COMMD10: variants seen among roughly 807,000 people sequenced by gnomAD.
COMMD10 encodes COMM domain containing 10.
A neutral mutation model predicts 28.9 loss-of-function variants in COMMD10; 33 were observed. That is an observed-to-expected ratio of 1.14 (90% CI 0.87 to 1.53). The LOEUF (loss-of-function observed/expected upper bound fraction) is 1.53, where lower values mean the gene tolerates loss of function less well. COMMD10 is among the 40% of genes most tolerant of loss of function. COMMD10 has a pLI of 0.00. For missense variants in COMMD10, 310 were observed against 233.4 expected (o/e 1.33, Z -2.14); for synonymous variants, 110 against 81.7 (o/e 1.35, Z -1.87).
Position 116,275,365 on chromosome 5 carries a change from T to A in COMMD10, c.511-16152T>A, listed in dbSNP as rs1282253976. On this transcript the variant is annotated intron_variant, in intron 5 of 6. Coordinates refer to ENST00000274458, the MANE Select transcript of COMMD10 (RefSeq NM_016144.4). ...ATCCCCCATCCTGCTTTATTCCCAATAATTTATCTTTCAGGTATCAGATTA... is the reference window on the plus strand; with the variant it reads ...ATCCCCCATCCTGCTTTATTCCCAAAAATTTATCTTTCAGGTATCAGATTA... Among the ~76,000 whole-genome samples, 4 of 151,896 alleles carry A rather than the reference T, an allele frequency of 2.6e-5. No individual in the cohort carries two copies. The East Asian group carries it at 7.7e-4, about 29-fold the overall frequency.
intron 4 of COMMD10, among the ~76,000 whole-genome samples, chr5:116,103,045 AT>A (rs1218315287): frequency 6.6e-6 from 1 of 150,450 alleles, no homozygotes; most frequent in Non-Finnish European, 1.5e-5. Context: ...TATGTGCCAC[AT>A]TTTTTTTTAA....
At chr5:116,274,186 A>G (rs1229475712) in intron 5 of COMMD10, among the ~76,000 whole-genome samples, 1 of 151,870 alleles carries the variant, frequency 6.6e-6, no homozygotes, top group Non-Finnish European at 1.5e-5. Context: ...TTATATATCA[A>G]CAACAGGTCT....
In COMMD10 at chr5:116,225,354, A is replaced by ATTTTT. The variant is rs3073081; in HGVS notation, c.511-66150_511-66146dup. Reference sequence around the variant, plus strand: ...GACTTTCCTGTTTGTTTTTTTGGGGATTTTTTTTTTTTTTTTTGCATATGT... The same window carrying ATTTTT: ...GACTTTCCTGTTTGTTTTTTTGGGGATTTTTTTTTTTTTTTTTTTTTTGCATATGT... On this transcript the variant is annotated intron_variant, in intron 5 of 6. Transcript: ENST00000274458. Among the ~76,000 whole-genome samples, 153 of 132,398 alleles carry ATTTTT rather than the reference A, an allele frequency of 1.2e-3. 3 individuals are homozygous for ATTTTT. The highest frequency in any genetic ancestry group is 4.2e-3 in the Middle Eastern group (1 of 238). 86.9% of individuals were successfully genotyped at this position (132,398 alleles called of 152,430 possible). A position where few individuals can be genotyped will look rare whatever the true frequency, so the allele number is the denominator to read the frequency against.
intron 5 of COMMD10, among the ~76,000 whole-genome samples, chr5:116,154,816 C>A (rs578075330): frequency 2.0e-5 from 3 of 151,046 alleles, no homozygotes; most frequent in Non-Finnish European, 2.9e-5. Context: ...ACAGTGGGAC[C>A]TCGTTTAGGG....
At chr5:116,156,291 A>G (rs896766884) in intron 5 of COMMD10, among the ~76,000 whole-genome samples, 1 of 152,194 alleles carries the variant, frequency 6.6e-6, no homozygotes, top group African/African-American at 2.4e-5. Flanking sequence ...GGAAGTTGCT[A>G]GAGGATGTCA....
chr5:116,221,249 C>G (rs1422393206), intron 5 of COMMD10, among the ~76,000 whole-genome samples: 1 of 152,150 alleles, frequency 6.6e-6, no homozygotes, highest in Middle Eastern at 3.4e-3. Context: ...TCCAACCAAT[C>G]AATGACCCCA....
intron 5 of COMMD10, among the ~76,000 whole-genome samples, chr5:116,163,786 G>T (rs1416275769): frequency 4.6e-5 from 7 of 152,040 alleles, no homozygotes; most frequent in African/African-American, 1.7e-4. Context: ...TACTTTCTAT[G>T]CTTTTGAGTA....
rs138603891 is a variant in COMMD10, at chr5:116,265,906, C to T, written c.511-25611C>T. On this transcript the variant is annotated intron_variant, in intron 5 of 6. Transcript: ENST00000274458. ...CAAGATCCTACCCTTAAGAACCTTT[C>T]ATCCTACTAGAAAAGTGGTAATACA... Among the ~76,000 whole-genome samples the T allele has an allele frequency of 6.7e-3, 1,010 of 151,878 alleles. 25 individuals carry two copies. Among genetic ancestry groups the T allele is most frequent in the African/African-American group, 0.023 (949 of 41,244 alleles).
At chr5:116,187,280 A>T (rs1748170744) in intron 5 of COMMD10, among the ~76,000 whole-genome samples, 1 of 152,144 alleles carries the variant, frequency 6.6e-6, no homozygotes, top group Admixed American at 6.6e-5. Flanking sequence ...TTTAGCTAAA[A>T]TGTGTGATAA....
chr5:116,277,204 T>C (rs184492993), intron 5 of COMMD10, among the ~76,000 whole-genome samples: 1 of 151,968 alleles, frequency 6.6e-6, no homozygotes, highest in Admixed American at 6.6e-5. Flanking sequence ...ACAATAGACA[T>C]ATTTCAAACA....
intron 5 of COMMD10, among the ~76,000 whole-genome samples, chr5:116,159,759 C>G (rs1201785801): frequency 1.3e-5 from 2 of 152,086 alleles, no homozygotes; most frequent in Admixed American, 6.6e-5. Context: ...AGGAAAACAT[C>G]TTTGAATTAG....
At chr5:116,123,394 C>A (rs112427146) in intron 4 of COMMD10, among the ~76,000 whole-genome samples, 3 of 152,142 alleles carry the variant, frequency 2.0e-5, no homozygotes, top group Admixed American at 2.0e-4. Context: ...TATGTTGAAC[C>A]AGCCTTGTAT....
chr5:116,167,635 C>A (rs1040843632), intron 5 of COMMD10, among the ~76,000 whole-genome samples: 2 of 152,130 alleles, frequency 1.3e-5, no homozygotes, highest in Non-Finnish European at 2.9e-5. Context: ...GCGGATCTCT[C>A]GGCAGAAACC....
At chr5:116,127,850 C>T (rs1316756536) in intron 4 of COMMD10, among the ~76,000 whole-genome samples, 3 of 151,944 alleles carry the variant, frequency 2.0e-5, no homozygotes, top group African/African-American at 7.3e-5. Flanking sequence ...GGGTGCAGCA[C>T]ACCAACATGG....
At chr5:116,131,750 C>G (rs1224105093) in intron 4 of COMMD10, among the ~76,000 whole-genome samples, 1 of 151,744 alleles carries the variant, frequency 6.6e-6, no homozygotes, top group Non-Finnish European at 1.5e-5. Context: ...ATACACTGAT[C>G]TAAATGTTAA....
At position 116,260,095 on chromosome 5, in the gene COMMD10, A is replaced by C. The variant is rs547509677; in HGVS notation, c.511-31422A>C. 1.6e-3 allele frequency among the ~76,000 whole-genome samples: 240 copies of C among 151,816 alleles called. 4 individuals are homozygous for C. The highest frequency in any genetic ancestry group is 5.6e-3 in the African/African-American group (231 of 41,210). ...ATATTTTATATGGAATTTGAGGGGA[A>C]AGGAAAGAGGTAAATGTGTCCTCAT... On this transcript the variant is annotated intron_variant, in intron 5 of 6. Coordinates refer to ENST00000274458, the MANE Select transcript of COMMD10 (RefSeq NM_016144.4).
chr5:116,258,197 C>T (rs1028219409), intron 5 of COMMD10, among the ~76,000 whole-genome samples: 1 of 151,618 alleles, frequency 6.6e-6, no homozygotes, highest in African/African-American at 2.4e-5. Flanking sequence ...ACATCCAAAA[C>T]CTTTTCTCTT....
chr5:116,106,990 A>G (rs1241009338), intron 4 of COMMD10, among the ~76,000 whole-genome samples: 2 of 152,154 alleles, frequency 1.3e-5, no homozygotes, highest in African/African-American at 4.8e-5. Flanking sequence ...AAAGATTAAT[A>G]TTGTCATGTG....
At chr5:116,202,953 G>T (rs889156484) in intron 5 of COMMD10, among the ~76,000 whole-genome samples, 16 of 151,868 alleles carry the variant, frequency 1.1e-4, no homozygotes, top group East Asian at 3.9e-4. Context: ...AGACATGAAG[G>T]CCTTGCCCAT....
Sources: gnomAD v4.1 joint callset for allele counts (sites outside exome capture counted in the v4.1 genomes callset) on GRCh38, gnomAD v4.1.1 for gene constraint, MANE v1.5 for transcripts, NCBI Gene and HGNC (gene_info 2026-07-23, HGNC 2026-07-21) for gene names.